Variants in ANO9 observed in about 807,000 individuals in gnomAD.
ANO9 encodes anoctamin-9.
In ANO9, 80 loss-of-function variants were observed where a neutral mutation model predicts 100.5. The ratio of observed to expected loss-of-function variants is 0.80; its 90% confidence interval spans 0.66 to 0.96. The LOEUF is 0.96. Among genes scored for constraint, ANO9 ranks in the 40% least tolerant of loss-of-function variants. ANO9 has a pLI of 0.00. For synonymous variants in ANO9, 473 were observed against 435.6 expected, an observed-to-expected ratio of 1.09 and a Z score of -1.07; for missense variants, 1,064 against 1,072.7, an observed-to-expected ratio of 0.99 and a Z score of 0.11.
Position 421,366 on chromosome 11 carries a change from G to T in ANO9, c.1335-168C>A. The stretch of plus-strand genomic sequence containing the variant: ...CCAGATGAACCGCACCCGCACGTGG[G>T]CACGCACACACACACACACACACAC... On this transcript the variant is annotated intron_variant, in intron 15 of 22. Coordinates refer to ENST00000332826, the MANE Select transcript of ANO9 (RefSeq NM_001012302.3). The surrounding 1 kb of genome is among the most constrained non-coding windows in gnomAD (Gnocchi z 6.8). 2 of 615,914 alleles carry T rather than the reference G, an allele frequency of 3.2e-6. No individual in the cohort carries two copies. Among genetic ancestry groups the T allele is most frequent in the Non-Finnish European group, 5.4e-6 (2 of 370,926 alleles). 38.2% of individuals were successfully genotyped at this position (615,914 alleles called of 1,614,324 possible). A position where few individuals can be genotyped will look rare whatever the true frequency, so the allele number is the denominator to read the frequency against.
chr11:421,105 C>T lies in ANO9; in HGVS notation c.1392+36G>A. 1.9e-6 allele frequency: 3 copies of T among 1,578,156 alleles called. No individual in the cohort carries two copies. The highest frequency in any genetic ancestry group is 2.6e-6 in the Non-Finnish European group (3 of 1,155,914). On this transcript the variant is annotated intron_variant, in intron 16 of 22. Transcript: ENST00000332826. The surrounding 1 kb of genome is among the most constrained non-coding windows in gnomAD (Gnocchi z 6.8). ...TGGGGGACGGTCAGGGGAGCAGTGG[C>T]TCAGGGACAGGGCATGAAGCCTGGG...
Position 432,215 on chromosome 11 carries a change from G to A in ANO9, c.351-161C>T. 1 of 727,216 alleles carries A rather than the reference G, an allele frequency of 1.4e-6. No individual in the cohort carries two copies. Among genetic ancestry groups the A allele is most frequent in the Non-Finnish European group, 2.2e-6 (1 of 444,474 alleles). The allele number at this position is 727,216 out of a possible 1,614,324, so 45.0% of individuals were successfully genotyped here. On this transcript the variant is annotated intron_variant, in intron 4 of 22. Coordinates refer to ENST00000332826, the MANE Select transcript of ANO9 (RefSeq NM_001012302.3). The surrounding 1 kb of genome is among the most constrained non-coding windows in gnomAD (Gnocchi z 4.8). Reference sequence around the variant, plus strand: ...AGCCCAGAATCCACAACTCACCCGGGAGCCCACCCCGCACCCTCCTTAAAG... The same window carrying A: ...AGCCCAGAATCCACAACTCACCCGGAAGCCCACCCCGCACCCTCCTTAAAG...
chr11:428,817 C>T lies in ANO9; in HGVS notation c.925G>A (p.Ala309Thr). The T allele has an allele frequency of 6.2e-7, 1 of 1,613,072 alleles. No homozygotes were observed. Among genetic ancestry groups the T allele is most frequent in the Non-Finnish European group, 8.5e-7 (1 of 1,179,908 alleles). Residue 309 changes from alanine to threonine, a missense_variant, in exon 12 of 23, where the codon GCA (alanine) becomes ACA (threonine). Transcript: ENST00000332826. ...TCGGGGCAGTTAATGAGCTGAAGTG[C>T]CATTTCCTCCTGGGGAGAGCACCGG... is the stretch of plus-strand genomic sequence containing the variant. ...YVWDEEQEEM[A>T]LQLINCPDYK...
intron 11 of ANO9, 49 bp downstream of exon 11, chr11:429,521 A>G (rs1590460741): frequency 6.2e-7 from 1 of 1,606,000 alleles, no homozygotes; most frequent in Non-Finnish European, 8.5e-7. Flanking sequence ...TCGGGCGCCA[A>G]CAGCCCCTGC....
At chr11:435,323 G>A (rs1849382926) in intron 1 of ANO9, among the ~76,000 whole-genome samples, 1 of 150,722 alleles carries the variant, frequency 6.6e-6, no homozygotes, top group Non-Finnish European at 1.5e-5. Flanking sequence ...AGGGTAGTAT[G>A]GTATAGTATG....
rs374590303 is a variant in ANO9 at position 433,325 on chromosome 11, C to A, written c.339G>T (p.Pro113=). Residue 113 remains proline, a synonymous_variant, in exon 4 of 23, where the codon CCG becomes CCT. Coordinates refer to ENST00000332826, the MANE Select transcript of ANO9 (RefSeq NM_001012302.3). ...GTGCAGCCTCTCACCTCGTGGTGAC[C>A]GGGATGGTGGTCGGCGCGGCCAGCT... ...HAELAAPTTI[P]VTTSLRIRIV... is the part of the protein sequence containing the mutation. 1.2e-6 allele frequency: 2 copies of A among 1,612,188 alleles called. No individual in the cohort carries two copies. The highest frequency in any genetic ancestry group is 1.7e-6 in the Non-Finnish European group (2 of 1,179,578).
Position 418,407 on chromosome 11 carries a change from TG to T in ANO9, c.2312del (p.Pro771GlnfsTer24), listed in dbSNP as rs1205691024. The T allele has an allele frequency of 1.9e-6, 3 of 1,612,282 alleles. No individual in the cohort carries two copies. In the East Asian group the frequency reaches 6.7e-5, roughly 36 times the overall value. ...SRPPMPAHPT[P>X]ASIFSARSTD... ...TGCTCCTGGCACTGAAGATGGATGC[TG>T]GGGTGGGATGGGCAGGCATTGGGGG... On this transcript the variant is annotated frameshift_variant, in exon 23 of 23. Transcript: ENST00000332826. LOFTEE classifies it high-confidence loss of function.
At position 421,591 on chromosome 11, in the gene ANO9, A is replaced by G. The variant is rs1245390449; in HGVS notation, c.1335-393T>C. 1.7e-5 allele frequency among the ~76,000 whole-genome samples: 2 copies of G among 119,896 alleles called. No individual in the cohort carries two copies. Among genetic ancestry groups the G allele is most frequent in the East Asian group, 5.0e-4 (2 of 4,020 alleles). 78.7% of individuals were successfully genotyped at this position (119,896 alleles called of 152,430 possible). ...CACACGTGGGCGCGCGCACACACAC[A>G]CACACCCCCACACAGGGGAGGCCAC... On this transcript the variant is annotated intron_variant, in intron 15 of 22. Coordinates refer to ENST00000332826, the MANE Select transcript of ANO9 (RefSeq NM_001012302.3). This position sits in a 1 kb window ranked among gnomAD's most constrained non-coding sequence, Gnocchi z 6.8.
chr11:441,906 G>C lies in ANO9; in HGVS notation c.6+15C>G. On this transcript the variant is annotated intron_variant, in intron 1 of 22. Coordinates refer to ENST00000332826, the MANE Select transcript of ANO9 (RefSeq NM_001012302.3). ...GGGCCTTGAAGGTGTGGACCCTTTTGAGCGCAGGACTCACCTGCATGCTGG... is the reference window on the plus strand; with the variant it reads ...GGGCCTTGAAGGTGTGGACCCTTTTCAGCGCAGGACTCACCTGCATGCTGG... The C allele has an allele frequency of 6.2e-7, 1 of 1,607,154 alleles. No individual in the cohort carries two copies. The highest frequency in any genetic ancestry group is 8.5e-7 in the Non-Finnish European group (1 of 1,179,084).
In ANO9 at chr11:430,123, C is replaced by T. The variant is rs1176469031; in HGVS notation, c.731G>A (p.Arg244His). The T allele has an allele frequency of 3.2e-6, 5 of 1,552,952 alleles. No homozygotes were observed. The highest frequency in any genetic ancestry group is 4.4e-6 in the Non-Finnish European group (5 of 1,148,834). Reference sequence around the variant, plus strand: ...GGTTTCCGAGAGCCGCTGGTACCTGCGGCTGTGGTCGCCGAGGGGACACAT... The same window carrying T: ...GGTTTCCGAGAGCCGCTGGTACCTGTGGCTGTGGTCGCCGAGGGGACACAT... ...ILMCPLGDHSRRYQRLSETCT... is the reference protein window; with the variant it reads ...ILMCPLGDHSHRYQRLSETCT... Residue 244 changes from arginine to histidine, a missense_variant, in exon 9 of 23, where the codon CGC becomes CAC. Physicochemically the swap from Arg to His is conservative, Grantham distance 29. Transcript: ENST00000332826.
intron 1 of ANO9, among the ~76,000 whole-genome samples, chr11:436,048 T>C (rs1849507709): frequency 6.6e-6 from 1 of 150,638 alleles, no homozygotes; most frequent in Non-Finnish European, 1.5e-5. Context: ...GTTTCTTTTT[T>C]TTTTCTTTTC....
In ANO9 at chr11:418,471, C is replaced by T. The variant is rs868173729; in HGVS notation, c.2249G>A (p.Gly750Glu). Residue 750 changes from glycine to glutamate, a missense_variant, in exon 23 of 23, where the codon GGA becomes GAA. Gly to Glu is a moderately conservative substitution (Grantham distance 98). Transcript: ENST00000332826. ...CCCCACCCCACCCAGCCTCTGCCTT[C>T]CATGCCACATCTTCTCACGCAGCCT... ...YQRLREKMWH[G>E]RQRLGGVGAG... The T allele has an allele frequency of 6.2e-7, 1 of 1,613,082 alleles. No homozygotes were observed. Among genetic ancestry groups the T allele is most frequent in the Non-Finnish European group, 8.5e-7 (1 of 1,180,006 alleles).
rs137970750 is a variant in ANO9 at position 433,904 on chromosome 11, C to T, written c.115G>A (p.Val39Met). The T allele has an allele frequency of 7.3e-4, 1,144 of 1,563,802 alleles. 5 individuals are homozygous for T. The Middle Eastern group carries it at 9.7e-3, about 13-fold the overall frequency. The change falls in exon 3 of 23, where the codon GTG (valine) becomes ATG (methionine). Residue 39 changes from valine (V) to methionine (M), a missense_variant. By Grantham distance (21) the Val-to-Met change is conservative. Coordinates refer to ENST00000332826, the MANE Select transcript of ANO9 (RefSeq NM_001012302.3). ...TCTCTCTGGGTGTGACGTTGGGCCA[C>T]GAGGACATAGTCCCACTGCTCGGAG... ...EASEQWDYVL[V>M]AQRHTQRDPR...
intron 11 of ANO9, among the ~76,000 whole-genome samples, chr11:429,134 G>A (rs1848718144): frequency 8.1e-6 from 1 of 124,038 alleles, no homozygotes; most frequent in Admixed American, 8.4e-5. Flanking sequence ...CCTCATGGGT[G>A]GACAGACACG....
chr11:429,595 T>C lies in ANO9; in HGVS notation c.890A>G (p.Asp297Gly). The C allele has an allele frequency of 1.2e-6, 2 of 1,612,536 alleles. No individual in the cohort carries two copies. The highest frequency in any genetic ancestry group is 1.7e-6 in the Non-Finnish European group (2 of 1,179,850). ...RQRARVVLHW[D>G]LYVWDEEQEE... is the part of the protein sequence containing the mutation. ...CTGTTCCTCGTCCCACACGTACAGGTCCCAGTGCAGGACCACGCGGGCGCG... is the reference window on the plus strand; with the variant it reads ...CTGTTCCTCGTCCCACACGTACAGGCCCCAGTGCAGGACCACGCGGGCGCG... Residue 297 changes from aspartate to glycine, a missense_variant, in exon 11 of 23, where the codon GAC becomes GGC. By Grantham distance (94) the Asp-to-Gly change is moderately conservative (BLOSUM62 -1). Coordinates refer to ENST00000332826, the MANE Select transcript of ANO9 (RefSeq NM_001012302.3).
intron 15 of ANO9, among the ~76,000 whole-genome samples, chr11:423,363 G>C (rs914220448): frequency 2.0e-5 from 3 of 152,132 alleles, no homozygotes; most frequent in African/African-American, 7.2e-5. Flanking sequence ...GGTGTATGAC[G>C]AAGAAGGCAT....
chr11:430,023 C>T (rs961437088), intron 9 of ANO9, 60 bp downstream of exon 9: 13 of 1,514,648 alleles, frequency 8.6e-6, no homozygotes, highest in Middle Eastern at 2.2e-4. Context: ...TCCCCCGCTT[C>T]GGGTGGATGC....
rs1163448227 is a variant in ANO9 at position 433,332 on chromosome 11, G to A, written c.332C>T (p.Thr111Ile). 2 of 1,612,502 alleles carry A rather than the reference G, an allele frequency of 1.2e-6. No individual in the cohort carries two copies. Among genetic ancestry groups the A allele is most frequent in the Non-Finnish European group, 1.7e-6 (2 of 1,179,732 alleles). Residue 111 changes from threonine (T) to isoleucine (I), a missense_variant, in exon 4 of 23, where the codon ACC becomes ATC. Physicochemically the swap from Thr to Ile is moderately conservative, Grantham distance 89. Transcript: ENST00000332826. ...CTCTCACCTCGTGGTGACCGGGATG[G>A]TGGTCGGCGCGGCCAGCTCGGCGTG... ...APHAELAAPT[T>I]IPVTTSLRIR...
At position 418,572 on chromosome 11, in the gene ANO9, G is replaced by A. The variant is rs373161873; in HGVS notation, c.2148C>T (p.Ile716=). Residue 716 remains isoleucine (I), a synonymous_variant, in exon 23 of 23, where the codon ATC becomes ATT. Transcript: ENST00000332826. ...VILFEHVALC[I]KLIAAWFVPD... ...GCACGAACCAGGCGGCGATGAGCTT[G>A]ATGCACAAGGCCACGTGCTAGCGGC... 1.2e-6 allele frequency: 2 copies of A among 1,612,870 alleles called. No individual in the cohort carries two copies. Among genetic ancestry groups the A allele is most frequent in the African/African-American group, 2.7e-5 (2 of 74,928 alleles).
Sources: gnomAD v4.1 joint callset for allele counts (sites outside exome capture counted in the v4.1 genomes callset) on GRCh38, gnomAD v4.1.1 for gene constraint, Gnocchi (gnomAD v3.1) non-coding constraint, MANE v1.5 for transcripts, NCBI Gene and HGNC (gene_info 2026-07-23, HGNC 2026-07-21) for gene names.